HDAC5: variants seen among roughly 807,000 people sequenced by gnomAD.
HDAC5 encodes histone deacetylase 5.
A neutral mutation model predicts 133.3 loss-of-function variants in HDAC5; 25 were observed. The ratio of observed to expected loss-of-function variants is 0.19; its 90% CI spans 0.14 to 0.26. HDAC5 has a LOEUF of 0.26. Ranked by LOEUF, HDAC5 falls within the 10% of genes least tolerant of loss-of-function variation. The pLI, the probability that HDAC5 is intolerant of heterozygous loss-of-function variation, is 1.00. For missense variants in HDAC5, 1,041 were observed against 1,460.5 expected (o/e 0.71, Z 4.68); for synonymous variants, 589 against 610.8 (o/e 0.96, Z 0.53).
At chr17:44,090,252 G>T (rs193187927) in intron 11 of HDAC5, among the ~76,000 whole-genome samples, 1 of 152,126 alleles carries the variant, frequency 6.6e-6, no homozygotes, top group East Asian at 1.9e-4. Flanking sequence ...ACCAGCCTGG[G>T]TAACATAGCA....
chr17:44,079,657 A>AAG (rs1555628657), intron 23 of HDAC5, among the ~76,000 whole-genome samples: 2 of 151,430 alleles, frequency 1.3e-5, no homozygotes, highest in African/African-American at 4.8e-5. Context: ...AAAAAAAAAA[A>AAG]AAAGAAAGAA....
chr17:44,114,250 G>A (rs1184596701), intron 2 of HDAC5, among the ~76,000 whole-genome samples: 1 of 152,256 alleles, frequency 6.6e-6, no homozygotes. Context: ...TCTCAGTAGA[G>A]AAGGGAGGCC....
chr17:44,094,826 C>T (rs926945167), intron 3 of HDAC5, among the ~76,000 whole-genome samples: 1 of 151,700 alleles, frequency 6.6e-6, no homozygotes, highest in Admixed American at 6.6e-5. Context: ...ATATCAGAGA[C>T]AAGGTCTTGC....
intron 20 of HDAC5, chr17:44,082,160 GT>G (rs1250787997): frequency 6.0e-6 from 1 of 168,064 alleles, no homozygotes; most frequent in Non-Finnish European, 1.3e-5. Context: ...CAACACCTTT[GT>G]TCACAGAAAT....
chr17:44,084,685 G>A lies in HDAC5; in HGVS notation c.2185-10C>T, dbSNP rs1382984036. 2.5e-6 allele frequency: 4 copies of A among 1,613,780 alleles called. No individual in the cohort carries two copies. The highest frequency in any genetic ancestry group is 1.1e-5 in the South Asian group (1 of 91,060). Reference sequence around the variant, plus strand: ...TGCGACCTCGGATCCGCTGCCAGGAGGATCAGTAAGAGGGGTCACACAAAG... The same window carrying A: ...TGCGACCTCGGATCCGCTGCCAGGAAGATCAGTAAGAGGGGTCACACAAAG... On this transcript the variant is annotated splice_polypyrimidine_tract_variant and intron_variant, in intron 15 of 26. Coordinates refer to ENST00000682912, the MANE Select transcript of HDAC5 (RefSeq NM_005474.5).
At position 44,117,453 on chromosome 17, in the gene HDAC5, A is replaced by C; in HGVS notation, c.22+41T>G. 6.2e-7 allele frequency: 1 copy of C among 1,612,598 alleles called. No individual in the cohort carries two copies. Among genetic ancestry groups the C allele is most frequent in the Non-Finnish European group, 8.5e-7 (1 of 1,178,634 alleles). On this transcript the variant is annotated intron_variant, in intron 2 of 26. Transcript: ENST00000682912. This position sits in a 1 kb window ranked among gnomAD's most constrained non-coding sequence, Gnocchi z 4.2. ...AACCCACACAGCCCATTGCATCCGA[A>C]GCTACCCCAGGGTGCTCTTCTCCAA... is the stretch of plus-strand genomic sequence containing the variant.
intron 12 of HDAC5, 152 bp from the exon 13 acceptor site, chr17:44,087,848 CTT>C (rs375199820): frequency 2.8e-3 from 1,875 of 669,644 alleles, no homozygotes; most frequent in Middle Eastern, 5.4e-3. Context: ...TCTGAGAGGA[CTT>C]TTTTTTTTTT....
At position 44,117,852 on chromosome 17, in the gene HDAC5, G is replaced by T. The variant is rs1483175650; in HGVS notation, c.-189-148C>A. The T allele has an allele frequency of 5.5e-6, 3 of 547,532 alleles. No homozygotes were observed. In the East Asian group the frequency reaches 8.8e-5, roughly 16 times the overall value. 33.9% of individuals were successfully genotyped at this position (547,532 alleles called of 1,614,324 possible). A position where few individuals can be genotyped will look rare whatever the true frequency, so the allele number is the denominator to read the frequency against. On this transcript the variant is annotated intron_variant, in intron 1 of 26. Transcript: ENST00000682912. The surrounding 1 kb of genome is among the most constrained non-coding windows in gnomAD (Gnocchi z 4.2). ...AGCCACAGGAGAAATCTGCAGAACT[G>T]GATAGACCCTGGTTTCTTATCTTAC...
chr17:44,083,622 G>A lies in HDAC5; in HGVS notation c.2386C>T (p.His796Tyr), dbSNP rs755731817. 2 of 1,613,976 alleles carry A rather than the reference G, an allele frequency of 1.2e-6. No homozygotes were observed. The highest frequency in any genetic ancestry group is 2.7e-5 in the African/African-American group (2 of 74,936). Residue 796 changes from histidine (H) to tyrosine (Y), a missense_variant, in exon 18 of 27, where the codon CAC (histidine) becomes TAC (tyrosine). Around this residue, in one of 9 missense-constraint regions of HDAC5, gnomAD observed 174 missense variants for 352.7 expected, o/e 0.49. Transcript: ENST00000682912. ...VDSDTVWNEM[H>Y]SSSAVRMAVG... ...GCCATGCGCACAGCACTGGAGGAGT[G>A]CATCTCATTCCACACGGTGTCACTG...
chr17:44,103,292 AG>A (rs1443710602), intron 3 of HDAC5, among the ~76,000 whole-genome samples: 1 of 152,232 alleles, frequency 6.6e-6, no homozygotes, highest in Non-Finnish European at 1.5e-5. Context: ...TAGGCTCAAC[AG>A]GTTCTACCAC....
At chr17:44,111,725 CAG>C in intron 2 of HDAC5, 1 of 505,766 alleles carries the variant, frequency 2.0e-6, no homozygotes, top group Non-Finnish European at 3.9e-6. Flanking sequence ...CTTCAACCAG[CAG>C]AGAGACCCCT....
intron 1 of HDAC5, among the ~76,000 whole-genome samples, chr17:44,121,590 C>A (rs2143686170): frequency 6.6e-6 from 1 of 152,058 alleles, no homozygotes; most frequent in Non-Finnish European, 1.5e-5. Context: ...CTACCCCCAG[C>A]TCCTATAGCT....
intron 3 of HDAC5, among the ~76,000 whole-genome samples, chr17:44,094,088 T>C (rs780032093): frequency 1.3e-5 from 2 of 152,112 alleles, no homozygotes; most frequent in Non-Finnish European, 2.9e-5. Context: ...TTTGGGAGGC[T>C]GAGGCAGGCA....
chr17:44,108,042 C>G (rs1466608712), intron 3 of HDAC5, among the ~76,000 whole-genome samples: 1 of 152,146 alleles, frequency 6.6e-6, no homozygotes, highest in East Asian at 1.9e-4. Flanking sequence ...GTTCAAACTC[C>G]CAGGCTCCCC....
chr17:44,080,928 C>T (rs201832848), intron 20 of HDAC5, 46 bp from the exon 21 acceptor site: 2 of 1,613,234 alleles, frequency 1.2e-6, no homozygotes, highest in Non-Finnish European at 1.7e-6. Flanking sequence ...CGCGCTCTGA[C>T]CCAATGGTCA....
At chr17:44,092,330 C>G in intron 8 of HDAC5, 46 bp from the exon 9 acceptor site, 1 of 1,612,044 alleles carries the variant, frequency 6.2e-7, no homozygotes, top group Non-Finnish European at 8.5e-7. Context: ...GAACTACCCC[C>G]GACCCCTGAT....
intron 11 of HDAC5, 76 bp from the exon 12 acceptor site, chr17:44,088,674 C>T (rs920806253): frequency 1.3e-6 from 2 of 1,531,994 alleles, no homozygotes; most frequent in African/African-American, 2.7e-5. Context: ...TGCATCTTGC[C>T]CCCACAACCC....
intron 3 of HDAC5, among the ~76,000 whole-genome samples, chr17:44,095,330 C>G (rs761611572): frequency 6.6e-6 from 1 of 152,182 alleles, no homozygotes; most frequent in African/African-American, 2.4e-5. Context: ...TTCTCAACAC[C>G]GTGCCCCATG....
intron 3 of HDAC5, among the ~76,000 whole-genome samples, chr17:44,098,175 T>G (rs571000310): frequency 6.6e-6 from 1 of 152,290 alleles, no homozygotes; most frequent in Admixed American, 6.5e-5. Flanking sequence ...GCCCCATGAA[T>G]AGAGTCTGCC....
Sources: allele counts gnomAD v4.1 joint callset (sites outside exome capture counted in the v4.1 genomes callset), GRCh38; gene constraint gnomAD v4.1.1; regional missense constraint gnomAD v4.1.1; non-coding constraint Gnocchi (gnomAD v3.1); transcripts MANE v1.5; gene names NCBI Gene and HGNC (gene_info 2026-07-23, HGNC 2026-07-21).